Variants in PYY observed in about 807,000 individuals in gnomAD.
PYY encodes the protein peptide tyrosine tyrosine.
A neutral mutation model predicts 10.3 loss-of-function variants in PYY; 12 were observed. The ratio of observed to expected loss-of-function variants is 1.17; its 90% CI spans 0.75 to 1.89. The LOEUF is 1.89. PYY is among the 40% of genes most tolerant of loss of function. The pLI is 0.00. For missense variants in PYY, 141 were observed against 134.0 expected (o/e 1.05, Z -0.26); for synonymous variants, 66 against 62.0 (o/e 1.06, Z -0.30).
At chr17:43,963,547 GGGAAGGAA>G (rs201612460) in intron 2 of PYY, among the ~76,000 whole-genome samples, 1 of 114,042 alleles carries the variant, frequency 8.8e-6, no homozygotes, top group Admixed American at 1.0e-4. Context: ...AGAGAAGGAA[GGGAAGGAA>G]GGAAGGAAGG....
In PYY at chr17:43,976,402, T is replaced by TATAC. The variant is rs10632565; in HGVS notation, c.-462-9871_-462-9870insGTAT. Among the ~76,000 whole-genome samples, 24 of 50,920 alleles carry TATAC rather than the reference T, an allele frequency of 4.7e-4. No individual in the cohort carries two copies. In the East Asian group the frequency reaches 0.034, roughly 71 times the overall value. The allele number at this position is 50,920 out of a possible 152,430, so 33.4% of individuals were successfully genotyped here. A position where few individuals can be genotyped will look rare whatever the true frequency, so the allele number is the denominator to read the frequency against. ...ACATACATGTATACATATACGTATA[T>TATAC]ACATATTCATGTATACATATACATA... On this transcript the variant is annotated intron_variant, in intron 1 of 6. Coordinates refer to the PYY transcript ENST00000360085.
At chr17:44,003,088 A>G (rs1377565432) in intron 1 of PYY, among the ~76,000 whole-genome samples, 1 of 152,022 alleles carries the variant, frequency 6.6e-6, no homozygotes, top group African/African-American at 2.4e-5. Context: ...CCCAGACGGG[A>G]GTGCAGTGGC....
intron 1 of PYY, among the ~76,000 whole-genome samples, chr17:44,002,498 C>T (rs890417736): frequency 1.3e-5 from 2 of 152,202 alleles, no homozygotes; most frequent in African/African-American, 4.8e-5. Context: ...CTCTTTCCCC[C>T]TCTACAACAA....
At chr17:43,990,921 A>G (rs992966412) in intron 1 of PYY, among the ~76,000 whole-genome samples, 2 of 150,758 alleles carry the variant, frequency 1.3e-5, no homozygotes, top group African/African-American at 2.4e-5. Flanking sequence ...AGTATCTCCG[A>G]GTAGCTGGGA....
upstream of PYY, among the ~76,000 whole-genome samples, chr17:43,954,889 G>A (rs1034794437): frequency 1.3e-5 from 2 of 152,188 alleles, no homozygotes; most frequent in Non-Finnish European, 2.9e-5. Flanking sequence ...GCATAATTTC[G>A]GGCATCACAA....
At chr17:43,994,764 C>T (rs1438246006) in intron 1 of PYY, among the ~76,000 whole-genome samples, 1 of 152,224 alleles carries the variant, frequency 6.6e-6, no homozygotes, top group African/African-American at 2.4e-5. Flanking sequence ...CCTCACTCCC[C>T]CACCCACGAG....
At chr17:43,997,016 G>GTGTTGT (rs753696328) in intron 1 of PYY, among the ~76,000 whole-genome samples, 1 of 150,760 alleles carries the variant, frequency 6.6e-6, no homozygotes, top group Non-Finnish European at 1.5e-5. Flanking sequence ...TTTTTTTGGG[G>GTGTTGT]TGATGTTGTT....
At chr17:43,966,813 G>A (rs1014077424) in intron 1 of PYY, among the ~76,000 whole-genome samples, 2 of 152,188 alleles carry the variant, frequency 1.3e-5, no homozygotes, top group Non-Finnish European at 1.5e-5. Flanking sequence ...CTAGAATAAT[G>A]TGTGATACAT....
intron 1 of PYY, among the ~76,000 whole-genome samples, chr17:43,989,210 T>TA (rs2048935811): frequency 6.6e-6 from 1 of 151,840 alleles, no homozygotes; most frequent in South Asian, 2.1e-4. Context: ...CCGTCTCTGC[T>TA]AAAAATACAA....
At chr17:43,958,900 AT>A (rs149570164), upstream of PYY, among the ~76,000 whole-genome samples, 1,649 of 152,338 alleles carry the variant, frequency 0.011, 32 homozygotes, top group African/African-American at 0.037. Flanking sequence ...TGCATAAAGA[AT>A]TGTTTCCTTG....
intron 1 of PYY, among the ~76,000 whole-genome samples, chr17:43,995,463 T>C: frequency 6.6e-6 from 1 of 151,392 alleles, no homozygotes; most frequent in East Asian, 2.0e-4. Flanking sequence ...CCCGAGTAGC[T>C]GGGACCACAG....
chr17:43,960,543 A>AAC lies in PYY; in HGVS notation c.-217-2516_-217-2515insGT, dbSNP rs1242881757. On this transcript the variant is annotated intron_variant, in intron 2 of 6. Transcript: ENST00000360085. The stretch of plus-strand genomic sequence containing the variant: ...GTGAGACTTTGTCTCAAAAAAAAAA[A>AAC]AAAAAAAAAAAACAATATTCATTAG... 1.1e-4 allele frequency among the ~76,000 whole-genome samples: 17 copies of AAC among 148,690 alleles called. No homozygotes were observed. In the East Asian group the frequency reaches 1.4e-3, roughly 12 times the overall value.
chr17:43,989,801 T>C (rs1402944682), intron 1 of PYY, among the ~76,000 whole-genome samples: 1 of 92,562 alleles, frequency 1.1e-5, no homozygotes, highest in Non-Finnish European at 2.0e-5. Context: ...ACCAAGAGGC[T>C]GTCTCTTTAA....
intron 1 of PYY, among the ~76,000 whole-genome samples, chr17:43,983,863 G>A (rs1032541154): frequency 6.6e-6 from 1 of 152,210 alleles, no homozygotes; most frequent in Non-Finnish European, 1.5e-5. Flanking sequence ...CCCCAGGCGC[G>A]CGCAGGGGCC....
At chr17:43,964,567 A>G (rs1312818290) in intron 2 of PYY, among the ~76,000 whole-genome samples, 1 of 152,220 alleles carries the variant, frequency 6.6e-6, no homozygotes, top group Non-Finnish European at 1.5e-5. Context: ...CCTGACCAAC[A>G]TGGAGAAACC....
intron 1 of PYY, among the ~76,000 whole-genome samples, chr17:43,971,398 C>G (rs755734144): frequency 6.6e-6 from 1 of 151,926 alleles, no homozygotes; most frequent in African/African-American, 2.4e-5. Flanking sequence ...GGTGAAACCC[C>G]ATCTCTACTA....
chr17:43,986,326 C>T (rs1183614182), intron 1 of PYY, among the ~76,000 whole-genome samples: 5 of 152,120 alleles, frequency 3.3e-5, no homozygotes, highest in African/African-American at 1.2e-4. Context: ...CTGAACACGT[C>T]GTGCCCATAT....
intron 1 of PYY, among the ~76,000 whole-genome samples, chr17:43,981,431 C>T (rs1321546337): frequency 6.6e-6 from 1 of 152,050 alleles, no homozygotes; most frequent in East Asian, 1.9e-4. Flanking sequence ...GGTGGTATCT[C>T]ACTGTGGCTT....
rs549274461 is a variant in PYY, at chr17:43,970,126, A to G, written c.-462-3594T>C. Among the ~76,000 whole-genome samples the G allele has an allele frequency of 2.6e-4, 38 of 148,868 alleles. No individual in the cohort carries two copies. In the South Asian group the frequency reaches 8.0e-3, roughly 31 times the overall value. ...TGAAGTGGGGGAATCGCTTAAACCC[A>G]GGAGTGTGAGGTTACCGTGAGCCAT... On this transcript the variant is annotated intron_variant, in intron 1 of 6. Transcript: ENST00000360085.
Sources: gnomAD v4.1 joint callset for allele counts (sites outside exome capture counted in the v4.1 genomes callset) on GRCh38, gnomAD v4.1.1 for gene constraint, MANE v1.5 for transcripts, NCBI Gene and HGNC (gene_info 2026-07-23, HGNC 2026-07-21) for gene names.